The following FAM135B variants were observed in gnomAD, a reference collection of about 807,000 sequenced individuals.
FAM135B encodes the protein protein FAM135B.
FAM135B carries 43 observed loss-of-function variants against 127.7 expected under a neutral mutation model. The ratio of observed to expected loss-of-function variants is 0.34; its 90% CI spans 0.26 to 0.43. The LOEUF (loss-of-function observed/expected upper bound fraction) is 0.43. Ranked by LOEUF, FAM135B falls within the 20% of genes least tolerant of loss-of-function variation. FAM135B has a pLI of 1.00. For synonymous variants in FAM135B, 670 were observed against 665.1 expected, an observed-to-expected ratio of 1.01 and a Z score of -0.11; for missense variants, 1,558 against 1,725.6, an observed-to-expected ratio of 0.90 and a Z score of 1.72.
intron 1 of FAM135B, among the ~76,000 whole-genome samples, chr8:138,415,389 A>T (rs950000401): frequency 2.0e-5 from 3 of 152,158 alleles, no homozygotes; most frequent in African/African-American, 7.2e-5. Flanking sequence ...CTCTGACCTC[A>T]CAACACTCTC....
chr8:138,136,642 C>T (rs1467334893), intron 19 of FAM135B, among the ~76,000 whole-genome samples: 1 of 152,144 alleles, frequency 6.6e-6, no homozygotes, highest in Non-Finnish European at 1.5e-5. Flanking sequence ...AATGCCAGCC[C>T]ACATCCATCT....
intron 1 of FAM135B, among the ~76,000 whole-genome samples, chr8:138,447,633 A>G (rs1003707088): frequency 4.9e-5 from 7 of 142,482 alleles, no homozygotes; most frequent in African/African-American, 1.8e-4. Context: ...GAAGGGGGAC[A>G]TGACACACCG....
At chr8:138,348,298 C>T (rs1313604107) in intron 2 of FAM135B, among the ~76,000 whole-genome samples, 1 of 151,838 alleles carries the variant, frequency 6.6e-6, no homozygotes, top group Non-Finnish European at 1.5e-5. Flanking sequence ...CCACACCCCG[C>T]TAATTTTTGT....
rs749096914 is a variant in FAM135B, at chr8:138,146,003, G to T, written c.3496C>A (p.Leu1166Ile). 2 of 1,610,800 alleles carry T rather than the reference G, an allele frequency of 1.2e-6. No homozygotes were observed. The highest frequency in any genetic ancestry group is 1.7e-6 in the Non-Finnish European group (2 of 1,177,148). ...AGGAAGTCCAGTTTTCCTCCAGGGA[G>T]CCCCAGTTCTATGAAAGTCTTTACC... ...RLVKTFIELG[L>I]PGGKLDFLMS... Residue 1166 changes from leucine to isoleucine, a missense_variant, in exon 15 of 20, where the codon CTC (leucine) becomes ATC (isoleucine). By Grantham distance (5) the Leu-to-Ile change is conservative (BLOSUM62 2). This residue lies in a region of FAM135B where 194 missense variants were observed against 333.8 expected (regional missense o/e 0.58). Coordinates refer to ENST00000395297, the MANE Select transcript of FAM135B (RefSeq NM_015912.4).
In FAM135B at chr8:138,265,830, A is replaced by C. The variant is rs761128430; in HGVS notation, c.170T>G (p.Leu57Arg). Residue 57 changes from leucine to arginine, a missense_variant, in exon 4 of 20, where the codon CTG becomes CGG. Transcript: ENST00000395297. Reference sequence around the variant, plus strand: ...GCTGTCATGGACACAGGCTGAATGCAGGCTGCTGCTCTCTGCAAAACAAGA... The same window carrying C: ...GCTGTCATGGACACAGGCTGAATGCCGGCTGCTGCTCTCTGCAAAACAAGA... ...SIAGQTESSS[L>R]HSACVHDSTV... 99 of 1,613,556 alleles carry C rather than the reference A, an allele frequency of 6.1e-5. No homozygotes were observed. Among genetic ancestry groups the C allele is most frequent in the Admixed American group, 2.8e-4 (17 of 59,998 alleles).
chr8:138,197,549 G>C lies in FAM135B; in HGVS notation c.790C>G (p.Arg264Gly), dbSNP rs766848974. ...GLRLHFLVIM[R>G]DIPELPHTEL... is the part of the protein sequence containing the mutation. ...GTGTGTGGCAGCTCTGGGATGTCCCGCATGATCACCAGGAAGTGGAGACGG... is the reference window on the plus strand; with the variant it reads ...GTGTGTGGCAGCTCTGGGATGTCCCCCATGATCACCAGGAAGTGGAGACGG... The change falls in exon 8 of 20, where the codon CGG (arginine) becomes GGG (glycine). Residue 264 changes from arginine (R) to glycine (G), a missense_variant. Arg to Gly is a moderately radical substitution (Grantham distance 125). Around this residue, in one of 5 missense-constraint regions of FAM135B, gnomAD observed 127 missense variants for 109.7 expected, o/e 1.16. Coordinates refer to ENST00000395297, the MANE Select transcript of FAM135B (RefSeq NM_015912.4). 2 of 1,614,070 alleles carry C rather than the reference G, an allele frequency of 1.2e-6. No individual in the cohort carries two copies. The highest frequency in any genetic ancestry group is 1.3e-5 in the African/African-American group (1 of 75,030).
intron 3 of FAM135B, among the ~76,000 whole-genome samples, chr8:138,283,432 A>AT (rs1824427798): frequency 6.6e-6 from 1 of 151,694 alleles, no homozygotes; most frequent in Non-Finnish European, 1.5e-5. Flanking sequence ...AAAAAAAAAA[A>AT]ATAGTGGTTT....
At chr8:138,452,822 G>A (rs1294034072) in intron 1 of FAM135B, among the ~76,000 whole-genome samples, 1 of 152,136 alleles carries the variant, frequency 6.6e-6, no homozygotes, top group African/African-American at 2.4e-5. Context: ...GCAAGATAGT[G>A]CTGGTTGGTG....
At chr8:138,320,099 C>T (rs942767246) in intron 2 of FAM135B, among the ~76,000 whole-genome samples, 2 of 152,204 alleles carry the variant, frequency 1.3e-5, no homozygotes, top group East Asian at 3.8e-4. Flanking sequence ...AGCAGGAATA[C>T]TGACTTTAGC....
chr8:138,260,815 A>G (rs535652761), intron 4 of FAM135B, among the ~76,000 whole-genome samples: 1 of 152,078 alleles, frequency 6.6e-6, no homozygotes, highest in East Asian at 1.9e-4. Context: ...TATTATTGCC[A>G]GACTGACCTT....
intron 6 of FAM135B, among the ~76,000 whole-genome samples, chr8:138,249,421 G>A (rs1586883219): frequency 6.6e-6 from 1 of 152,218 alleles, no homozygotes; most frequent in African/African-American, 2.4e-5. Context: ...CACTTCACTG[G>A]ACTGTGAACT....
At chr8:138,406,528 G>A (rs1424989988) in intron 1 of FAM135B, among the ~76,000 whole-genome samples, 2 of 151,816 alleles carry the variant, frequency 1.3e-5, no homozygotes, top group Admixed American at 6.6e-5. Context: ...CTGGCAAACA[G>A]AATCCAGCAG....
chr8:138,198,296 T>C (rs779592136), intron 7 of FAM135B, among the ~76,000 whole-genome samples: 4 of 152,226 alleles, frequency 2.6e-5, no homozygotes, highest in Non-Finnish European at 5.9e-5. Flanking sequence ...TCCCTAGCCA[T>C]GTGGAACTGT....
chr8:138,316,672 G>A (rs1299208692), intron 2 of FAM135B, among the ~76,000 whole-genome samples: 2 of 151,590 alleles, frequency 1.3e-5, no homozygotes, highest in Non-Finnish European at 2.9e-5. Context: ...GAAAACGTTA[G>A]CTAGCTTCTT....
intron 3 of FAM135B, among the ~76,000 whole-genome samples, chr8:138,300,727 C>T (rs1432503765): frequency 6.7e-6 from 1 of 150,110 alleles, no homozygotes; most frequent in African/African-American, 2.4e-5. Context: ...TATTTTCTTC[C>T]CGTGCCATTT....
intron 2 of FAM135B, among the ~76,000 whole-genome samples, chr8:138,350,857 C>T (rs1051923364): frequency 2.6e-5 from 4 of 152,130 alleles, no homozygotes; most frequent in Non-Finnish European, 5.9e-5. Flanking sequence ...CCTTGTATAC[C>T]TTGTGGTGCC....
chr8:138,356,789 A>G (rs1246400245), intron 2 of FAM135B, among the ~76,000 whole-genome samples: 3 of 152,174 alleles, frequency 2.0e-5, no homozygotes, highest in East Asian at 3.9e-4. Flanking sequence ...AAACCCTTAC[A>G]TCAGCTGAAT....
intron 6 of FAM135B, among the ~76,000 whole-genome samples, chr8:138,249,417 A>C (rs1050986723): frequency 6.6e-6 from 1 of 152,204 alleles, no homozygotes; most frequent in Non-Finnish European, 1.5e-5. Context: ...GGCCCACTTC[A>C]CTGGACTGTG....
At chr8:138,212,063 C>T (rs1191622439) in intron 7 of FAM135B, among the ~76,000 whole-genome samples, 2 of 152,094 alleles carry the variant, frequency 1.3e-5, no homozygotes, top group Non-Finnish European at 2.9e-5. Context: ...AAGACATTGT[C>T]TCAAATAAAT....
Sources: allele counts gnomAD v4.1 joint callset (sites outside exome capture counted in the v4.1 genomes callset), GRCh38; gene constraint gnomAD v4.1.1; regional missense constraint gnomAD v4.1.1; transcripts MANE v1.5; gene names NCBI Gene and HGNC (gene_info 2026-07-23, HGNC 2026-07-21).